Variants in CAMKMT observed in about 807,000 individuals in gnomAD.
CAMKMT encodes the protein CaM KMT.
Under a neutral mutation model 48.0 loss-of-function variants are expected in CAMKMT, and 53 were observed. The ratio of observed to expected loss-of-function variants is 1.10; its 90% CI spans 0.89 to 1.39. The LOEUF (loss-of-function observed/expected upper bound fraction) is 1.39. CAMKMT is among the 40% of genes most tolerant of loss of function. CAMKMT has a pLI of 0.00. For missense variants in CAMKMT, 428 were observed against 402.7 expected (o/e 1.06, Z -0.54); for synonymous variants, 165 against 152.3 (o/e 1.08, Z -0.61).
At chr2:44,403,789 A>G (rs1258592000) in intron 3 of CAMKMT, among the ~76,000 whole-genome samples, 1 of 152,198 alleles carries the variant, frequency 6.6e-6, no homozygotes, top group African/African-American at 2.4e-5. Context: ...TTAATACTTC[A>G]TTTAATTAGA....
At chr2:44,712,084 A>G (rs1036044679) in intron 6 of CAMKMT, among the ~76,000 whole-genome samples, 2 of 152,200 alleles carry the variant, frequency 1.3e-5, no homozygotes, top group Non-Finnish European at 2.9e-5. Context: ...CCTCTATGGT[A>G]TCTTCTCAAT....
At chr2:44,768,361 AT>A (rs1553448674) in intron 10 of CAMKMT, among the ~76,000 whole-genome samples, 2,131 of 115,660 alleles carry the variant, frequency 0.018, 56 homozygotes, top group African/African-American at 0.07. Flanking sequence ...ATATATATAT[AT>A]TTTTTTTTTT....
At chr2:44,769,649 G>GTT (rs528829940) in intron 10 of CAMKMT, among the ~76,000 whole-genome samples, 252 of 148,902 alleles carry the variant, frequency 1.7e-3, no homozygotes, top group African/African-American at 6.0e-3. Context: ...CATGCCGTGG[G>GTT]TTTTTTTTTT....
intron 3 of CAMKMT, among the ~76,000 whole-genome samples, chr2:44,582,878 T>C (rs1287280122): frequency 6.6e-6 from 1 of 152,214 alleles, no homozygotes; most frequent in African/African-American, 2.4e-5. Flanking sequence ...TCCCAGTTTC[T>C]AGCATTGTAA....
At chr2:44,642,800 C>A (rs1029705215) in intron 3 of CAMKMT, among the ~76,000 whole-genome samples, 2 of 152,114 alleles carry the variant, frequency 1.3e-5, no homozygotes, top group African/African-American at 4.8e-5. Flanking sequence ...CCCAGCCACT[C>A]TGAGGCTCAG....
chr2:44,394,387 A>G (rs1407616612), intron 3 of CAMKMT, among the ~76,000 whole-genome samples: 1 of 151,040 alleles, frequency 6.6e-6, no homozygotes, highest in East Asian at 1.9e-4. Flanking sequence ...TACATGTGAC[A>G]GTGGTGATTT....
intron 3 of CAMKMT, among the ~76,000 whole-genome samples, chr2:44,399,837 G>A (rs1465654581): frequency 1.3e-5 from 2 of 152,146 alleles, no homozygotes; most frequent in Non-Finnish European, 2.9e-5. Flanking sequence ...TAGTTAGGGT[G>A]ACTGTACAGC....
intron 3 of CAMKMT, among the ~76,000 whole-genome samples, chr2:44,511,903 C>T (rs1348716647): frequency 6.6e-6 from 1 of 152,116 alleles, no homozygotes; most frequent in Non-Finnish European, 1.5e-5. Context: ...CTTACTCTGC[C>T]CACCCCCCAT....
chr2:44,766,335 C>A, intron 9 of CAMKMT, 95 bp from the exon 10 acceptor site: 1 of 1,383,140 alleles, frequency 7.2e-7, no homozygotes, highest in Non-Finnish European at 1.0e-6. Flanking sequence ...AGTTTTTCTA[C>A]TTGAGAGCAG....
chr2:44,569,685 A>G (rs566865314), intron 3 of CAMKMT, among the ~76,000 whole-genome samples: 1 of 152,306 alleles, frequency 6.6e-6, no homozygotes, highest in South Asian at 2.1e-4. Context: ...GTAGTTATCA[A>G]GGGAAGCTTG....
rs558191976 is a variant in CAMKMT, at chr2:44,548,890, T to A, written c.377-155393T>A. On this transcript the variant is annotated intron_variant, in intron 3 of 10. Transcript: ENST00000378494. The stretch of plus-strand genomic sequence containing the variant: ...AACTCAATCTGGTTGCCACTGTTAT[T>A]TCAGCCTTGTGATTCCCTGAGCAGA... 2.6e-5 allele frequency among the ~76,000 whole-genome samples: 4 copies of A among 152,286 alleles called. No homozygotes were observed. The East Asian group carries it at 7.7e-4, about 29-fold the overall frequency.
intron 3 of CAMKMT, among the ~76,000 whole-genome samples, chr2:44,633,931 G>A (rs1672979647): frequency 6.6e-6 from 1 of 151,928 alleles, no homozygotes; most frequent in African/African-American, 2.4e-5. Flanking sequence ...TTTGGTTTTG[G>A]TTTTTGGGGT....
At position 44,616,234 on chromosome 2, in the gene CAMKMT, G is replaced by A. The variant is rs181292931; in HGVS notation, c.377-88049G>A. Among the ~76,000 whole-genome samples, 4 of 152,242 alleles carry A rather than the reference G, an allele frequency of 2.6e-5. No individual in the cohort carries two copies. The East Asian group carries it at 7.7e-4, about 29-fold the overall frequency. ...TCTTCCAACCCAATCTCCATATTCA[G>A]CTGAGTGATCTTTGAAAAACACAAG... On this transcript the variant is annotated intron_variant, in intron 3 of 10. Transcript: ENST00000378494.
chr2:44,664,054 C>G (rs1241499410), intron 3 of CAMKMT, among the ~76,000 whole-genome samples: 1 of 152,138 alleles, frequency 6.6e-6, no homozygotes, highest in Non-Finnish European at 1.5e-5. Flanking sequence ...CTGAACTCTG[C>G]TTTTTCTGAA....
At chr2:44,732,462 C>A (rs1441516990) in intron 7 of CAMKMT, among the ~76,000 whole-genome samples, 2 of 152,202 alleles carry the variant, frequency 1.3e-5, no homozygotes, top group Non-Finnish European at 2.9e-5. Context: ...TCTGGTAGAA[C>A]CATCCTTTAC....
intron 8 of CAMKMT, among the ~76,000 whole-genome samples, chr2:44,746,281 C>T (rs1428302470): frequency 6.6e-6 from 1 of 152,216 alleles, no homozygotes; most frequent in Non-Finnish European, 1.5e-5. Context: ...TGCTTGATCC[C>T]ATTTACATGA....
chr2:44,427,582 G>A (rs1180097287), intron 3 of CAMKMT, among the ~76,000 whole-genome samples: 3 of 152,072 alleles, frequency 2.0e-5, no homozygotes, highest in Admixed American at 6.6e-5. Flanking sequence ...GATGCACATC[G>A]AAAACACAAT....
chr2:44,446,428 C>G lies in CAMKMT; in HGVS notation c.376+56123C>G, dbSNP rs149088439. Among the ~76,000 whole-genome samples, 569 of 152,184 alleles carry G rather than the reference C, an allele frequency of 3.7e-3. 2 individuals are homozygous for G. The highest frequency in any genetic ancestry group is 6.8e-3 in the Middle Eastern group (2 of 294). On this transcript the variant is annotated intron_variant, in intron 3 of 10. Transcript: ENST00000378494. ...GTGTTGTGATCTCAGTTCACTGCAACCTCTGCCTCCTGGGTTCAAGCAATT... is the reference window on the plus strand; with the variant it reads ...GTGTTGTGATCTCAGTTCACTGCAAGCTCTGCCTCCTGGGTTCAAGCAATT...
chr2:44,390,243 A>T lies in CAMKMT; in HGVS notation c.314A>T (p.His105Leu), dbSNP rs200227404. ...FCPEYSISLRHNSGSLNVEDV... is the reference protein window; with the variant it reads ...FCPEYSISLRLNSGSLNVEDV... ...GCAAACGCTTTACTCCTTTCTAGGCATAATAGTGGATCCTTGAATGTTGAA... is the reference window on the plus strand; with the variant it reads ...GCAAACGCTTTACTCCTTTCTAGGCTTAATAGTGGATCCTTGAATGTTGAA... Residue 105 changes from histidine to leucine, a missense_variant and splice_region_variant, in exon 3 of 11, where the codon CAT (histidine) becomes CTT (leucine). By Grantham distance (99) the His-to-Leu change is moderately conservative (BLOSUM62 -3). Transcript: ENST00000378494. 1 of 1,606,480 alleles carries T rather than the reference A, an allele frequency of 6.2e-7. No homozygotes were observed. Among genetic ancestry groups the T allele is most frequent in the Non-Finnish European group, 8.5e-7 (1 of 1,177,112 alleles).
Sources: gnomAD v4.1 joint callset for allele counts (sites outside exome capture counted in the v4.1 genomes callset) on GRCh38, gnomAD v4.1.1 for gene constraint, MANE v1.5 for transcripts, NCBI Gene and HGNC (gene_info 2026-07-23, HGNC 2026-07-21) for gene names.